Variants in MAGI2 observed in about 807,000 individuals in gnomAD.
MAGI2 encodes membrane-associated guanylate kinase, WW and PDZ domain-containing protein 2.
A neutral mutation model predicts 133.3 loss-of-function variants in MAGI2; 35 were observed. The observed-to-expected ratio is 0.26, with a 90% confidence interval of 0.20 to 0.35. The LOEUF (loss-of-function observed/expected upper bound fraction) is 0.35, where lower values mean the gene tolerates loss of function less well. MAGI2 is among the 10% of genes least tolerant of loss of function. The pLI is 1.00. For synonymous variants in MAGI2, 729 were observed against 710.6 expected, an observed-to-expected ratio of 1.03 and a Z score of -0.41; for missense variants, 1,636 against 1,863.4, an observed-to-expected ratio of 0.88 and a Z score of 2.25.
chr7:78,132,948 G>A lies in MAGI2; in HGVS notation c.3144C>T (p.Asn1048=). ...GTGGTGCTGGCTGGGCGATGGGGCT[G>A]TTGGGGGTGGCTGGGCTTGGCTGGG... The part of the protein sequence containing the change: ...PLAQPSPATP[N]SPIAQPAPPQ... Residue 1048 remains asparagine, a synonymous_variant, in exon 18 of 22, where the codon AAC becomes AAT. Transcript: ENST00000354212. 4 of 1,613,822 alleles carry A rather than the reference G, an allele frequency of 2.5e-6. No homozygotes were observed. Among genetic ancestry groups the A allele is most frequent in the Non-Finnish European group, 3.4e-6 (4 of 1,179,906 alleles).
rs544230325 is a variant in MAGI2, at chr7:79,196,163, A to T, written c.302-188957T>A. Among the ~76,000 whole-genome samples the T allele has an allele frequency of 2.5e-4, 38 of 152,164 alleles. 1 individual carries two copies. In the South Asian group the frequency reaches 6.2e-3, roughly 25 times the overall value. ...GCTAGAGTTAGTCATTCCACAATGT[A>T]TATTTTCTTTAAAATAACATGTTGT... is the stretch of plus-strand genomic sequence containing the variant. On this transcript the variant is annotated intron_variant, in intron 1 of 21. Coordinates refer to ENST00000354212, the MANE Select transcript of MAGI2 (RefSeq NM_012301.4).
At chr7:78,632,284 T>G (rs1037923186) in intron 2 of MAGI2, among the ~76,000 whole-genome samples, 2 of 152,266 alleles carry the variant, frequency 1.3e-5, no homozygotes, top group Non-Finnish European at 1.5e-5. Flanking sequence ...TTAAATCTTA[T>G]TAATTGACCA....
intron 1 of MAGI2, among the ~76,000 whole-genome samples, chr7:79,290,908 G>T (rs1259230840): frequency 6.6e-6 from 1 of 151,990 alleles, no homozygotes; most frequent in East Asian, 1.9e-4. Context: ...TAAGTCATTT[G>T]CATTACTAAT....
chr7:78,062,278 G>A (rs1813364998), intron 21 of MAGI2, among the ~76,000 whole-genome samples: 1 of 152,184 alleles, frequency 6.6e-6, no homozygotes, highest in African/African-American at 2.4e-5. Flanking sequence ...CACTGGGTGG[G>A]TTCCTGGAGT....
intron 21 of MAGI2, among the ~76,000 whole-genome samples, chr7:78,036,192 A>C (rs890381623): frequency 1.3e-5 from 2 of 152,172 alleles, no homozygotes; most frequent in African/African-American, 4.8e-5. Flanking sequence ...AGGGATAGGA[A>C]AGAATTGAAA....
chr7:78,371,147 A>G (rs1793865297), intron 6 of MAGI2, among the ~76,000 whole-genome samples: 1 of 151,764 alleles, frequency 6.6e-6, no homozygotes, highest in Non-Finnish European at 1.5e-5. Flanking sequence ...AAGAAGAATA[A>G]CTCTCCAGAT....
intron 2 of MAGI2, among the ~76,000 whole-genome samples, chr7:78,976,053 T>C (rs1484651596): frequency 1.3e-5 from 2 of 151,566 alleles, no homozygotes; most frequent in Non-Finnish European, 3.0e-5. Context: ...ACCAGATTAG[T>C]CCAGATTAGC....
chr7:78,475,734 T>C (rs150462232), intron 6 of MAGI2, among the ~76,000 whole-genome samples: 101 of 151,636 alleles, frequency 6.7e-4, no homozygotes, highest in African/African-American at 2.4e-3. Context: ...AGCATCTAGA[T>C]GGGAAGTAAA....
intron 2 of MAGI2, among the ~76,000 whole-genome samples, chr7:78,648,316 A>G (rs1811121328): frequency 6.6e-6 from 1 of 152,068 alleles, no homozygotes; most frequent in Admixed American, 6.6e-5. Flanking sequence ...AAATAAAACA[A>G]TTTCTTCCCT....
intron 21 of MAGI2, chr7:78,073,053 ATTG>A (rs1814881457): frequency 2.5e-6 from 1 of 397,762 alleles, no homozygotes; most frequent in African/African-American, 2.1e-5. Context: ...CTCTAATATA[ATTG>A]TTGTAAGTCA....
At chr7:78,192,726 A>T (rs1421253012) in intron 12 of MAGI2, among the ~76,000 whole-genome samples, 1 of 152,190 alleles carries the variant, frequency 6.6e-6, no homozygotes, top group East Asian at 1.9e-4. Context: ...AAAGAGAAGG[A>T]TAGGAAAGGA....
At chr7:78,249,484 TAAAG>T (rs759094947) in intron 10 of MAGI2, among the ~76,000 whole-genome samples, 2 of 151,816 alleles carry the variant, frequency 1.3e-5, no homozygotes, top group Non-Finnish European at 2.9e-5. Flanking sequence ...GATGAATGGT[TAAAG>T]AAAATGTGGT....
intron 1 of MAGI2, among the ~76,000 whole-genome samples, chr7:79,304,615 C>T (rs1285483713): frequency 6.6e-6 from 1 of 152,158 alleles, no homozygotes; most frequent in Non-Finnish European, 1.5e-5. Context: ...CTGAGCCCAG[C>T]TCTTCCGTTC....
rs1801454146 is a variant in MAGI2 at position 78,946,827 on chromosome 7, T to C, written c.418+60263A>G. ...CAGTTAAAAAATATATTTTTATGTA[T>C]TGAAGAAAATTCCATCACCCAAAGG... is the stretch of plus-strand genomic sequence containing the variant. On this transcript the variant is annotated intron_variant, in intron 2 of 21. Coordinates refer to ENST00000354212, the MANE Select transcript of MAGI2 (RefSeq NM_012301.4). The C allele has an allele frequency of 1.3e-5, 2 of 152,144 alleles. 1 individual carries two copies. Among genetic ancestry groups the C allele is most frequent in the South Asian group, 4.1e-4 (2 of 4,832 alleles). 9.4% of individuals were successfully genotyped at this position (152,144 alleles called of 1,614,324 possible). A position where few individuals can be genotyped will look rare whatever the true frequency, so the allele number is the denominator to read the frequency against.
chr7:79,147,133 C>T (rs959040731), intron 1 of MAGI2, among the ~76,000 whole-genome samples: 9 of 152,200 alleles, frequency 5.9e-5, no homozygotes, highest in African/African-American at 2.2e-4. Context: ...ATCGCAGTGT[C>T]AACTGCATAG....
At chr7:78,424,072 T>G (rs1799049061) in intron 6 of MAGI2, among the ~76,000 whole-genome samples, 1 of 152,182 alleles carries the variant, frequency 6.6e-6, no homozygotes, top group African/African-American at 2.4e-5. Context: ...GTCAGAGGTC[T>G]TCATGGCAGC....
At chr7:78,957,529 A>C (rs1365684359) in intron 2 of MAGI2, among the ~76,000 whole-genome samples, 1 of 152,154 alleles carries the variant, frequency 6.6e-6, no homozygotes, top group Admixed American at 6.5e-5. Flanking sequence ...ATGTATATGT[A>C]AGTACATACA....
intron 2 of MAGI2, chr7:78,901,421 T>C (rs1006142175): frequency 1.3e-5 from 2 of 152,206 alleles, no homozygotes; most frequent in African/African-American, 4.8e-5. Flanking sequence ...CGATGATAGC[T>C]GCTAAGAAGT....
intron 1 of MAGI2, among the ~76,000 whole-genome samples, chr7:79,330,526 G>A (rs1039489544): frequency 6.6e-6 from 1 of 152,068 alleles, no homozygotes; most frequent in Admixed American, 6.5e-5. Context: ...CTCCTTAAAA[G>A]AGAGAGTCAC....
Sources: allele counts gnomAD v4.1 joint callset (sites outside exome capture counted in the v4.1 genomes callset), GRCh38; gene constraint gnomAD v4.1.1; transcripts MANE v1.5; gene names NCBI Gene and HGNC (gene_info 2026-07-23, HGNC 2026-07-21).